PTPN6: variants seen among roughly 807,000 people sequenced by gnomAD.
PTPN6 encodes the protein protein tyrosine phosphatase non-receptor type 6, also known as tyrosine-protein phosphatase non-receptor type 6.
In PTPN6, 18 loss-of-function variants were observed where a neutral mutation model predicts 81.5. The observed-to-expected ratio is 0.22, with a 90% CI of 0.15 to 0.33. PTPN6 has a LOEUF of 0.33. Among genes scored for constraint, PTPN6 ranks in the 10% least tolerant of loss-of-function variants. The pLI is 1.00. For synonymous variants in PTPN6, 301 were observed against 310.9 expected, an observed-to-expected ratio of 0.97 and a Z score of 0.33; for missense variants, 500 against 794.2, an observed-to-expected ratio of 0.63 and a Z score of 4.45.
chr12:6,951,158 G>A (rs1338121760), upstream of PTPN6: 6 of 1,180,190 alleles, frequency 5.1e-6, no homozygotes, highest in Admixed American at 3.2e-5. The surrounding 1 kb of genome is among the most constrained non-coding windows in gnomAD (Gnocchi z 7.2). Context: ...TACTGCATGT[G>A]TTGTCACATA....
Position 6,960,939 on chromosome 12 carries a change from G to C in PTPN6, c.*19G>C, listed in dbSNP as rs1452016428. On this transcript the variant is annotated 3_prime_UTR_variant, in exon 15 of 16. Coordinates refer to ENST00000318974, the MANE Select transcript of PTPN6 (RefSeq NM_002831.6). The surrounding 1 kb of genome is among the most constrained non-coding windows in gnomAD (Gnocchi z 6.1). ...GAAGTGAGCGGTGCTGTCCTCAGGT[G>C]GCCATGGTACAGCTCTTCTGCCTGG... 6.4e-7 allele frequency: 1 copy of C among 1,557,274 alleles called. No individual in the cohort carries two copies. The highest frequency in any genetic ancestry group is 1.4e-5 in the African/African-American group (1 of 73,320).
chr12:6,960,331 C>T lies in PTPN6; in HGVS notation c.1582-13C>T, dbSNP rs1946114210. Reference sequence around the variant, plus strand: ...CTGGGACCACCACCTTCCCACTGTCCCTCTGCCCACAGTCGCAGAAGGGCC... The same window carrying T: ...CTGGGACCACCACCTTCCCACTGTCTCTCTGCCCACAGTCGCAGAAGGGCC... On this transcript the variant is annotated splice_polypyrimidine_tract_variant and intron_variant, in intron 13 of 15. Coordinates refer to ENST00000318974, the MANE Select transcript of PTPN6 (RefSeq NM_002831.6). This position sits in a 1 kb window ranked among gnomAD's most constrained non-coding sequence, Gnocchi z 6.1. 4.3e-6 allele frequency: 7 copies of T among 1,612,724 alleles called. No homozygotes were observed. Among genetic ancestry groups the T allele is most frequent in the East Asian group, 2.2e-5 (1 of 44,864 alleles).
rs1263019420 is a variant in PTPN6, at chr12:6,958,210, C to T, written c.1361+137C>T. On this transcript the variant is annotated intron_variant, in intron 11 of 15. Transcript: ENST00000318974. Reference sequence around the variant, plus strand: ...GCTCACCCCCGGCTTCTCCTGGGTCCCCTCATGGCTCCAGAACCCTGGGTG... The same window carrying T: ...GCTCACCCCCGGCTTCTCCTGGGTCTCCTCATGGCTCCAGAACCCTGGGTG... 4.8e-6 allele frequency: 6 copies of T among 1,253,584 alleles called. No homozygotes were observed. In the African/African-American group the frequency reaches 8.9e-5, roughly 19 times the overall value. 77.7% of individuals were successfully genotyped at this position (1,253,584 alleles called of 1,614,324 possible). A position where few individuals can be genotyped will look rare whatever the true frequency, so the allele number is the denominator to read the frequency against.
chr12:6,957,802 C>T lies in PTPN6; in HGVS notation c.1206+17C>T. On this transcript the variant is annotated intron_variant, in intron 10 of 15. Coordinates refer to ENST00000318974, the MANE Select transcript of PTPN6 (RefSeq NM_002831.6). This position sits in a 1 kb window ranked among gnomAD's most constrained non-coding sequence, Gnocchi z 6.5. ...CTGGACAATGTGAGTGGCCCCCACGCCCTGCCCCATTCCGGGAGTCCCTCC... is the reference window on the plus strand; with the variant it reads ...CTGGACAATGTGAGTGGCCCCCACGTCCTGCCCCATTCCGGGAGTCCCTCC... 3.1e-6 allele frequency: 5 copies of T among 1,614,148 alleles called. No individual in the cohort carries two copies. Among genetic ancestry groups the T allele is most frequent in the Non-Finnish European group, 4.2e-6 (5 of 1,180,042 alleles).
At chr12:6,951,308 G>T, upstream of PTPN6, 1 of 1,489,480 alleles carries the variant, frequency 6.7e-7, no homozygotes, top group Non-Finnish European at 8.9e-7. This position sits in a 1 kb window ranked among gnomAD's most constrained non-coding sequence, Gnocchi z 7.2. Flanking sequence ...TCCCCCAAGG[G>T]GTCGGCCGCG....
chr12:6,953,409 C>T (rs1945963345), intron 3 of PTPN6: 1 of 152,208 alleles, frequency 6.6e-6, no homozygotes, highest in African/African-American at 2.4e-5. Context: ...CAGGAGGCCC[C>T]TGCAGAGGAG....
chr12:6,954,056 G>A lies in PTPN6; in HGVS notation c.327-749G>A, dbSNP rs1357238819. Reference sequence around the variant, plus strand: ...GGGCTACAGTTTCCTCCTGGGAAAGGGGTGTGCTTCGGGGAAAGGGCTTAG... The same window carrying A: ...GGGCTACAGTTTCCTCCTGGGAAAGAGGTGTGCTTCGGGGAAAGGGCTTAG... On this transcript the variant is annotated intron_variant, in intron 3 of 15. Transcript: ENST00000318974. This position sits in a 1 kb window ranked among gnomAD's most constrained non-coding sequence, Gnocchi z 5.4. 2.6e-5 allele frequency among the ~76,000 whole-genome samples: 4 copies of A among 152,192 alleles called. No homozygotes were observed. The highest frequency in any genetic ancestry group is 9.7e-5 in the African/African-American group (4 of 41,438).
chr12:6,960,581 AT>A lies in PTPN6; in HGVS notation c.1673+149del. 1.4e-6 allele frequency: 2 copies of A among 1,443,438 alleles called. No individual in the cohort carries two copies. The highest frequency in any genetic ancestry group is 1.9e-6 in the Non-Finnish European group (2 of 1,050,110). 89.4% of individuals were successfully genotyped at this position (1,443,438 alleles called of 1,614,324 possible). ...GTTCTCACCCCTTCTGTTCATAAGC[AT>A]TTCCTGAGTGCCCACACGTGTGGGC... On this transcript the variant is annotated intron_variant, in intron 14 of 15. Transcript: ENST00000318974. The surrounding 1 kb of genome is among the most constrained non-coding windows in gnomAD (Gnocchi z 6.1).
rs1171299116 is a variant in PTPN6, at chr12:6,956,393, G to A, written c.925-26G>A. ...GGGCCAAGGGGCTCACTGTCTTGGG[G>A]TGCGTCTCTCCACGCTTGCGTCCAG... On this transcript the variant is annotated intron_variant, in intron 8 of 15. Coordinates refer to ENST00000318974, the MANE Select transcript of PTPN6 (RefSeq NM_002831.6). This position sits in a 1 kb window ranked among gnomAD's most constrained non-coding sequence, Gnocchi z 4.1. 22 of 1,614,024 alleles carry A rather than the reference G, an allele frequency of 1.4e-5. No homozygotes were observed. The highest frequency in any genetic ancestry group is 1.9e-5 in the Non-Finnish European group (22 of 1,180,030).
chr12:6,956,716 G>T lies in PTPN6; in HGVS notation c.1074+148G>T. Reference sequence around the variant, plus strand: ...AACTGAGGGCTAGTGACAAAGTCTCGACTACACAACGTGACCCCCAGATCC... The same window carrying T: ...AACTGAGGGCTAGTGACAAAGTCTCTACTACACAACGTGACCCCCAGATCC... On this transcript the variant is annotated intron_variant, in intron 9 of 15. Transcript: ENST00000318974. The surrounding 1 kb of genome is among the most constrained non-coding windows in gnomAD (Gnocchi z 4.1). The T allele has an allele frequency of 9.1e-7, 1 of 1,096,516 alleles. No individual in the cohort carries two copies. The highest frequency in any genetic ancestry group is 1.4e-5 in the South Asian group (1 of 69,562). 67.9% of individuals were successfully genotyped at this position (1,096,516 alleles called of 1,614,324 possible).
rs373774884 is a variant in PTPN6, at chr12:6,956,595, C to T, written c.1074+27C>T. ...TAGGGCGCCCCCCCTTCCCCGCATC[C>T]GCCCCCGTGCTTGTGGTCATGCCAT... On this transcript the variant is annotated intron_variant, in intron 9 of 15. Transcript: ENST00000318974. The surrounding 1 kb of genome is among the most constrained non-coding windows in gnomAD (Gnocchi z 4.1). 6.8e-5 allele frequency: 110 copies of T among 1,612,504 alleles called. No individual in the cohort carries two copies. The Middle Eastern group carries it at 6.9e-4, about 10-fold the overall frequency.
Position 6,960,261 on chromosome 12 carries a change from G to C in PTPN6, c.1581+22G>C. The C allele has an allele frequency of 2.3e-6, 3 of 1,317,212 alleles. No individual in the cohort carries two copies. The highest frequency in any genetic ancestry group is 3.1e-6 in the Non-Finnish European group (3 of 968,488). The allele number at this position is 1,317,212 out of a possible 1,614,324, so 81.6% of individuals were successfully genotyped here. ...GCAGGTGCGTGCAGAGCAGGGCCTG[G>C]GGGGGGGGGGGGCTGCAGTGCAGGA... On this transcript the variant is annotated intron_variant, in intron 13 of 15. Transcript: ENST00000318974. The surrounding 1 kb of genome is among the most constrained non-coding windows in gnomAD (Gnocchi z 6.1).
upstream of PTPN6, chr12:6,951,230 A>AC: frequency 7.0e-7 from 1 of 1,422,846 alleles, no homozygotes; most frequent in Non-Finnish European, 9.2e-7. The surrounding 1 kb of genome is among the most constrained non-coding windows in gnomAD (Gnocchi z 7.2). Context: ...CCCCGTCCCC[A>AC]CCCCCAGTGC....
chr12:6,951,571 AC>A lies in PTPN6; in HGVS notation c.9-37del, dbSNP rs782203740. On this transcript the variant is annotated intron_variant, in intron 1 of 15. Coordinates refer to ENST00000318974, the MANE Select transcript of PTPN6 (RefSeq NM_002831.6). This position sits in a 1 kb window ranked among gnomAD's most constrained non-coding sequence, Gnocchi z 7.2. ...CAGGAGGCAAGGGTGCCTGGTGCCC[AC>A]GGGACCCCTCCTCACTGCCCTGCCT... 4.3e-6 allele frequency: 7 copies of A among 1,613,122 alleles called. No individual in the cohort carries two copies. In the East Asian group the frequency reaches 1.3e-4, roughly 31 times the overall value.
chr12:6,951,318 G>A (rs1555147669), upstream of PTPN6: 2 of 1,498,928 alleles, frequency 1.3e-6, no homozygotes, highest in African/African-American at 1.4e-5. The surrounding 1 kb of genome is among the most constrained non-coding windows in gnomAD (Gnocchi z 7.2). Flanking sequence ...GGTCGGCCGC[G>A]CCTCTTCCTG....
At chr12:6,958,793 C>T (rs1241151578) in intron 11 of PTPN6, among the ~76,000 whole-genome samples, 1 of 152,226 alleles carries the variant, frequency 6.6e-6, no homozygotes, top group African/African-American at 2.4e-5. Flanking sequence ...CAGGGCCCCT[C>T]CGCTTACCAG....
rs1555148318 is a variant in PTPN6 at position 6,954,860 on chromosome 12, G to A, written c.382G>A (p.Gly128Ser). The change falls in exon 4 of 16, where the codon GGC (glycine) becomes AGC (serine). Residue 128 changes from glycine (G) to serine (S), a missense_variant. Transcript: ENST00000318974. The surrounding 1 kb of genome is among the most constrained non-coding windows in gnomAD (Gnocchi z 5.4). ...GQAETLLQAK[G>S]EPWTFLVRES... ...GGCAGAGACGCTGCTGCAGGCCAAG[G>A]GCGAGCCCTGGACGTTTCTTGTGCG... 6.2e-7 allele frequency: 1 copy of A among 1,614,174 alleles called. No individual in the cohort carries two copies. Among genetic ancestry groups the A allele is most frequent in the Admixed American group, 1.7e-5 (1 of 60,034 alleles).
Position 6,959,685 on chromosome 12 carries a change from G to A in PTPN6, c.1362-242G>A, listed in dbSNP as rs938024651. 1 of 597,426 alleles carries A rather than the reference G, an allele frequency of 1.7e-6. No homozygotes were observed. The highest frequency in any genetic ancestry group is 1.9e-5 in the South Asian group (1 of 51,444). The allele number at this position is 597,426 out of a possible 1,614,324, so 37.0% of individuals were successfully genotyped here. A position where few individuals can be genotyped will look rare whatever the true frequency, so the allele number is the denominator to read the frequency against. On this transcript the variant is annotated intron_variant, in intron 11 of 15. Coordinates refer to ENST00000318974, the MANE Select transcript of PTPN6 (RefSeq NM_002831.6). The surrounding 1 kb of genome is among the most constrained non-coding windows in gnomAD (Gnocchi z 6.6). ...TGAGGAGTCGGCGCGAGGAGTGGAG[G>A]AGGGAAGGATGGTGGCAGCTGGGGA...
At position 6,956,403 on chromosome 12, in the gene PTPN6, C is replaced by A. The variant is rs1421281331; in HGVS notation, c.925-16C>A. On this transcript the variant is annotated splice_polypyrimidine_tract_variant and intron_variant, in intron 8 of 15. Coordinates refer to ENST00000318974, the MANE Select transcript of PTPN6 (RefSeq NM_002831.6). This position sits in a 1 kb window ranked among gnomAD's most constrained non-coding sequence, Gnocchi z 4.1. ...GCTCACTGTCTTGGGGTGCGTCTCTCCACGCTTGCGTCCAGAACCAGCTGC... is the reference window on the plus strand; with the variant it reads ...GCTCACTGTCTTGGGGTGCGTCTCTACACGCTTGCGTCCAGAACCAGCTGC... 2 of 1,614,132 alleles carry A rather than the reference C, an allele frequency of 1.2e-6. No homozygotes were observed. Among genetic ancestry groups the A allele is most frequent in the African/African-American group, 2.7e-5 (2 of 75,054 alleles).
Sources: allele counts gnomAD v4.1 joint callset (sites outside exome capture counted in the v4.1 genomes callset), GRCh38; gene constraint gnomAD v4.1.1; non-coding constraint Gnocchi (gnomAD v3.1); transcripts MANE v1.5; gene names NCBI Gene and HGNC (gene_info 2026-07-23, HGNC 2026-07-21).